The following UGT1A8 variants were observed in gnomAD, a reference collection of about 807,000 sequenced individuals.
UGT1A8 encodes the protein UDP-glucuronosyltransferase 1A8.
In UGT1A8, 39 loss-of-function variants were observed where a neutral mutation model predicts 45.3. The ratio of observed to expected loss-of-function variants is 0.86; its 90% CI spans 0.67 to 1.12. UGT1A8 has a LOEUF of 1.12. UGT1A8 is among the 50% of genes most tolerant of loss of function. UGT1A8 has a pLI of 0.00. For synonymous variants in UGT1A8, 275 were observed against 249.2 expected (o/e 1.10, Z -0.97); for missense variants, 719 against 664.9 (o/e 1.08, Z -0.90).
intron 1 of UGT1A8, among the ~76,000 whole-genome samples, chr2:233,625,242 T>A (rs1290557568): frequency 2.6e-5 from 4 of 151,982 alleles, no homozygotes; most frequent in African/African-American, 7.2e-5. Context: ...CAATGAGATA[T>A]CATCTCACAC....
At chr2:233,730,095 T>G (rs1360215327) in intron 1 of UGT1A8, 1 of 1,591,544 alleles carries the variant, frequency 6.3e-7, no homozygotes, top group Non-Finnish European at 8.5e-7. Context: ...TCTTTCCAAA[T>G]ATTTCATTTC....
At chr2:233,719,412 C>G in intron 1 of UGT1A8, 1 of 1,613,976 alleles carries the variant, frequency 6.2e-7, no homozygotes, top group South Asian at 1.1e-5. Context: ...TCCTAAGTTA[C>G]TAACGACCAA....
At chr2:233,622,059 C>G (rs2073018030) in intron 1 of UGT1A8, among the ~76,000 whole-genome samples, 1 of 152,190 alleles carries the variant, frequency 6.6e-6, no homozygotes, top group African/African-American at 2.4e-5. Flanking sequence ...AGGACATGAA[C>G]TCATCCTTTT....
intron 1 of UGT1A8, chr2:233,754,963 A>G: frequency 7.6e-7 from 1 of 1,309,276 alleles, no homozygotes; most frequent in Non-Finnish European, 1.0e-6. Flanking sequence ...CCGCCAAAGA[A>G]CTCCCTGAAG....
At chr2:233,685,023 A>G (rs937971541) in intron 1 of UGT1A8, among the ~76,000 whole-genome samples, 2 of 152,104 alleles carry the variant, frequency 1.3e-5, no homozygotes, top group Non-Finnish European at 2.9e-5. Flanking sequence ...ATGTGTCTGT[A>G]TGTGCAGGTG....
intron 1 of UGT1A8, among the ~76,000 whole-genome samples, chr2:233,639,239 T>G (rs1259832450): frequency 6.6e-6 from 1 of 152,234 alleles, no homozygotes; most frequent in African/African-American, 2.4e-5. Context: ...TCTATATCTA[T>G]TAAAGAATAT....
At chr2:233,658,405 G>A (rs7608713) in intron 1 of UGT1A8, among the ~76,000 whole-genome samples, 42,376 of 152,138 alleles carry the variant, frequency 0.28, 6,779 homozygotes, top group African/African-American at 0.44. Flanking sequence ...ACTAAAGTCT[G>A]TGTTCTCTGC....
At chr2:233,645,789 G>T (rs1336810815) in intron 1 of UGT1A8, among the ~76,000 whole-genome samples, 1 of 152,204 alleles carries the variant, frequency 6.6e-6, no homozygotes, top group Admixed American at 6.5e-5. Flanking sequence ...GTGGCATTGA[G>T]TGTCTGTGGC....
At chr2:233,762,959 A>G (rs910713716) in intron 1 of UGT1A8, among the ~76,000 whole-genome samples, 4 of 152,252 alleles carry the variant, frequency 2.6e-5, no homozygotes, top group African/African-American at 9.6e-5. Flanking sequence ...GCAATAGGAA[A>G]GATGCCCGTC....
intron 1 of UGT1A8, among the ~76,000 whole-genome samples, chr2:233,675,110 T>A (rs991386462): frequency 1.3e-5 from 2 of 151,832 alleles, no homozygotes; most frequent in African/African-American, 2.4e-5. Flanking sequence ...TTCTTGAAGG[T>A]CTCCTGTAAC....
intron 1 of UGT1A8, chr2:233,718,892 C>T (rs775726544): frequency 6.2e-7 from 1 of 1,614,020 alleles, no homozygotes; most frequent in South Asian, 1.1e-5. Flanking sequence ...GTGTCCAGCC[C>T]TGGGCTGAGA....
chr2:233,729,225 G>T, intron 1 of UGT1A8: 1 of 1,614,158 alleles, frequency 6.2e-7, no homozygotes, highest in South Asian at 1.1e-5. Context: ...AGGTGTTGGT[G>T]GTGCCCATTG....
intron 1 of UGT1A8, chr2:233,712,899 G>A (rs2076260156): frequency 1.1e-5 from 18 of 1,608,322 alleles, no homozygotes; most frequent in Non-Finnish European, 1.4e-5. Context: ...TGATTTGCTA[G>A]GTGTCTCAGT....
intron 1 of UGT1A8, among the ~76,000 whole-genome samples, chr2:233,737,698 T>C (rs1168746375): frequency 6.6e-6 from 1 of 152,140 alleles, no homozygotes; most frequent in Non-Finnish European, 1.5e-5. Flanking sequence ...TGCTGAAGCT[T>C]CCGTTCTCCT....
At chr2:233,732,276 G>C (rs1167500055) in intron 1 of UGT1A8, among the ~76,000 whole-genome samples, 35 of 152,142 alleles carry the variant, frequency 2.3e-4, no homozygotes, top group Non-Finnish European at 4.6e-4. Context: ...TTTTGCTGTG[G>C]AGAAGCTCTT....
intron 1 of UGT1A8, among the ~76,000 whole-genome samples, chr2:233,763,208 C>A (rs998860630): frequency 1.3e-5 from 2 of 152,170 alleles, no homozygotes; most frequent in Non-Finnish European, 2.9e-5. Flanking sequence ...TGCAGTCAGG[C>A]TTAGGTGTGA....
chr2:233,617,928 T>G lies in UGT1A8; in HGVS notation c.221T>G (p.Val74Gly). 1 of 1,614,194 alleles carries G rather than the reference T, an allele frequency of 6.2e-7. No individual in the cohort carries two copies. The highest frequency in any genetic ancestry group is 1.1e-5 in the South Asian group (1 of 91,076). Residue 74 changes from valine (V) to glycine (G), a missense_variant, in exon 1 of 5, where the codon GTG becomes GGG. Physicochemically the swap from Val to Gly is moderately radical, Grantham distance 109. Transcript: ENST00000373450. ...WQLGKSLNCT[V>G]KTYSTSYTLE... ...CTGGGAAAATCACTGAATTGCACAG[T>G]GAAGACTTACTCAACCTCATACACT...
chr2:233,718,508 T>G (rs1330997916), intron 1 of UGT1A8, among the ~76,000 whole-genome samples: 1 of 152,136 alleles, frequency 6.6e-6, no homozygotes, highest in Non-Finnish European at 1.5e-5. Context: ...GGCAGTGACA[T>G]GAAATGGGTG....
intron 1 of UGT1A8, among the ~76,000 whole-genome samples, chr2:233,662,840 A>G (rs1575409283): frequency 1.4e-5 from 2 of 145,130 alleles, no homozygotes; most frequent in Admixed American, 6.9e-5. Flanking sequence ...TTTGTCAGAT[A>G]TGAATTTTGG....
Sources: allele counts gnomAD v4.1 joint callset (sites outside exome capture counted in the v4.1 genomes callset), GRCh38; gene constraint gnomAD v4.1.1; transcripts MANE v1.5; gene names NCBI Gene and HGNC (gene_info 2026-07-23, HGNC 2026-07-21).